The following DNAH6 variants were observed in gnomAD, a reference collection of about 807,000 sequenced individuals.
DNAH6 encodes the protein axonemal beta dynein heavy chain 6.
DNAH6 carries 340 observed loss-of-function variants against 491.4 expected under a neutral mutation model. The observed-to-expected ratio is 0.69, with a 90% CI of 0.63 to 0.76. DNAH6 has a LOEUF of 0.76. Among genes scored for constraint, DNAH6 ranks in the 30% least tolerant of loss-of-function variants. The pLI, the probability that DNAH6 is intolerant of heterozygous loss-of-function variation, is 0.00. For synonymous variants in DNAH6, 1,603 were observed against 1,686.1 expected (o/e 0.95, Z 1.21); for missense variants, 4,443 against 4,972.2 (o/e 0.89, Z 3.20).
At chr2:84,774,046 G>T (rs1451694346) in intron 64 of DNAH6, among the ~76,000 whole-genome samples, 4 of 151,808 alleles carry the variant, frequency 2.6e-5, no homozygotes, top group Non-Finnish European at 5.9e-5. Flanking sequence ...TTCTTTTTCT[G>T]CACAAAAGGT....
intron 54 of DNAH6, among the ~76,000 whole-genome samples, chr2:84,708,833 T>A (rs1332494958): frequency 6.6e-6 from 1 of 152,200 alleles, no homozygotes; most frequent in Non-Finnish European, 1.5e-5. Context: ...CTCCAGGAGC[T>A]CTAAGCTCTT....
At position 84,688,346 on chromosome 2, in the gene DNAH6, G is replaced by A. The variant is rs1014934138; in HGVS notation, c.7138-93G>A. On this transcript the variant is annotated intron_variant, in intron 44 of 76. Coordinates refer to ENST00000389394, the MANE Select transcript of DNAH6 (RefSeq NM_001370.2). ...TATTGCAAAGACCTTCAAAATTCCA[G>A]TGTAGCTCTTGAAGAAGTTAAATGA... 30 of 1,081,080 alleles carry A rather than the reference G, an allele frequency of 2.8e-5. No homozygotes were observed. In the African/African-American group the frequency reaches 4.3e-4, roughly 16 times the overall value. The allele number at this position is 1,081,080 out of a possible 1,614,324, so 67.0% of individuals were successfully genotyped here.
rs371589141 is a variant in DNAH6 at position 84,590,367 on chromosome 2, C to T, written c.2610+1413C>T. ...AAAATTAGCTGGGCGTAGTGGCAGG[C>T]GCCTGTAATCCCAGCTACTTGGGAG... On this transcript the variant is annotated intron_variant, in intron 16 of 76. Transcript: ENST00000389394. Among the ~76,000 whole-genome samples the T allele has an allele frequency of 3.6e-4, 54 of 151,296 alleles. 1 individual carries two copies. Among genetic ancestry groups the T allele is most frequent in the African/African-American group, 1.3e-3 (53 of 41,372 alleles).
chr2:84,605,352 CAAA>C (rs5832617), intron 19 of DNAH6, 145 bp from the exon 20 acceptor site: 16,143 of 329,430 alleles, frequency 0.049, no homozygotes, highest in South Asian at 0.072. Context: ...GACTCTATCT[CAAA>C]AAAAAAAAAA....
At chr2:84,705,813 T>C (rs572357220) in intron 52 of DNAH6, 66 bp downstream of exon 52, 1 of 1,480,938 alleles carries the variant, frequency 6.8e-7, no homozygotes. Flanking sequence ...TTTCAAGTTC[T>C]CTGTATAATG....
Position 84,769,854 on chromosome 2 carries a change from A to G in DNAH6, c.10703+6909A>G, listed in dbSNP as rs550493562. 6.8e-4 allele frequency among the ~76,000 whole-genome samples: 103 copies of G among 152,312 alleles called. 1 individual carries two copies. The South Asian group carries it at 0.017, about 25-fold the overall frequency. ...ATGCTTTGGGAAACAAAAGCTTTGA[A>G]AATCTCCTACATATTTTTGGGAATC... On this transcript the variant is annotated intron_variant, in intron 64 of 76. Transcript: ENST00000389394.
At chr2:84,591,792 G>T (rs1033970479) in intron 16 of DNAH6, among the ~76,000 whole-genome samples, 2 of 152,056 alleles carry the variant, frequency 1.3e-5, no homozygotes, top group Admixed American at 1.3e-4. Flanking sequence ...ATGGAAAACC[G>T]CAAAACAACA....
intron 37 of DNAH6, among the ~76,000 whole-genome samples, chr2:84,660,805 C>T (rs886198011): frequency 1.3e-5 from 2 of 152,032 alleles, no homozygotes; most frequent in African/African-American, 2.4e-5. Flanking sequence ...AAACCCAAAC[C>T]AATGAATATT....
chr2:84,691,770 T>A (rs1308061753), intron 45 of DNAH6, among the ~76,000 whole-genome samples: 1 of 152,244 alleles, frequency 6.6e-6, no homozygotes. Context: ...CATGAAATAT[T>A]ACTCTTTAAA....
intron 65 of DNAH6, among the ~76,000 whole-genome samples, chr2:84,782,563 G>A (rs907173385): frequency 1.3e-5 from 2 of 152,172 alleles, no homozygotes; most frequent in African/African-American, 2.4e-5. Context: ...TCCCCTAAAA[G>A]CCCTTCACTT....
the DNAH6 span, among the ~76,000 whole-genome samples, chr2:84,462,201 G>C: frequency 6.6e-6 from 1 of 152,188 alleles, no homozygotes; most frequent in African/African-American, 2.4e-5. Context: ...ATGCATATCT[G>C]ATTGCTCCCT....
intron 10 of DNAH6, among the ~76,000 whole-genome samples, chr2:84,554,628 A>T (rs1314475689): frequency 2.0e-5 from 3 of 152,242 alleles, no homozygotes; most frequent in Non-Finnish European, 2.9e-5. Context: ...GAGTTCTAGC[A>T]TTGATTCCTC....
intron 63 of DNAH6, chr2:84,751,248 C>A (rs949815093): frequency 6.6e-6 from 1 of 152,202 alleles, no homozygotes; most frequent in African/African-American, 2.4e-5. Flanking sequence ...TGTGAAGAAG[C>A]CTTATAACTA....
At chr2:84,517,473 T>C (rs942275128) in intron 1 of DNAH6, among the ~76,000 whole-genome samples, 3 of 152,204 alleles carry the variant, frequency 2.0e-5, no homozygotes, top group African/African-American at 7.2e-5. Context: ...ATGAGAAACA[T>C]TGATCTCAAT....
At chr2:84,553,993 C>G (rs4131037) in intron 10 of DNAH6, among the ~76,000 whole-genome samples, 2 of 152,166 alleles carry the variant, frequency 1.3e-5, no homozygotes, top group African/African-American at 4.8e-5. Context: ...GAATTCAGCT[C>G]TAAGCAACTG....
the DNAH6 span, among the ~76,000 whole-genome samples, chr2:84,482,761 A>G: frequency 1.3e-5 from 2 of 152,168 alleles, no homozygotes; most frequent in African/African-American, 4.8e-5. Context: ...ACTCGTTCTT[A>G]TTGTTGAAGG....
intron 42 of DNAH6, among the ~76,000 whole-genome samples, chr2:84,682,192 C>T (rs1322046526): frequency 1.3e-5 from 2 of 152,166 alleles, no homozygotes; most frequent in African/African-American, 2.4e-5. Context: ...TACCTGAGTC[C>T]CATCTCCATC....
rs201823735 is a variant in DNAH6, at chr2:84,528,885, A to C, written c.400-19A>C. 6.8e-7 allele frequency: 1 copy of C among 1,478,278 alleles called. No individual in the cohort carries two copies. The highest frequency in any genetic ancestry group is 9.0e-7 in the Non-Finnish European group (1 of 1,114,246). The allele number at this position is 1,478,278 out of a possible 1,614,324, so 91.6% of individuals were successfully genotyped here. A position where few individuals can be genotyped will look rare whatever the true frequency, so the allele number is the denominator to read the frequency against. On this transcript the variant is annotated intron_variant, in intron 3 of 76. Coordinates refer to ENST00000389394, the MANE Select transcript of DNAH6 (RefSeq NM_001370.2). Reference sequence around the variant, plus strand: ...GTGCAAAGACTCATTTTTTTTTTTCAAAAATTGGCTTTGTTTAGATTCATC... The same window carrying C: ...GTGCAAAGACTCATTTTTTTTTTTCCAAAATTGGCTTTGTTTAGATTCATC...
At chr2:84,482,260 CA>C in the DNAH6 span, among the ~76,000 whole-genome samples, 2 of 152,042 alleles carry the variant, frequency 1.3e-5, no homozygotes, top group African/African-American at 2.4e-5. Flanking sequence ...GAACAACACA[CA>C]AAAAAAGTAT....
Sources: allele counts gnomAD v4.1 joint callset (sites outside exome capture counted in the v4.1 genomes callset), GRCh38; gene constraint gnomAD v4.1.1; transcripts MANE v1.5; gene names NCBI Gene and HGNC (gene_info 2026-07-23, HGNC 2026-07-21).